Variants in GDAP1 observed in about 807,000 individuals in gnomAD.
GDAP1 encodes ganglioside-induced differentiation-associated protein 1.
GDAP1 carries 34 observed loss-of-function variants against 40.1 expected under a neutral mutation model. That is an observed-to-expected ratio of 0.85 (90% CI 0.64 to 1.13). The LOEUF (loss-of-function observed/expected upper bound fraction) is 1.13, where lower values mean the gene tolerates loss of function less well. GDAP1 is among the 50% of genes most tolerant of loss of function. The pLI, the probability that GDAP1 is intolerant of heterozygous loss-of-function variation, is 0.00. For missense variants in GDAP1, 374 were observed against 433.7 expected (o/e 0.86, Z 1.22); for synonymous variants, 170 against 157.4 (o/e 1.08, Z -0.60).
At chr8:74,435,471 T>C (rs16938906) in intron 2 of GDAP1, among the ~76,000 whole-genome samples, 37,383 of 152,060 alleles carry the variant, frequency 0.25, 5,122 homozygotes, top group African/African-American at 0.35. Context: ...CTTTGCTTCT[T>C]ACTTCATCCC....
In GDAP1 at chr8:74,366,341, T is replaced by C. The variant is rs1439397082; in HGVS notation, c.*1974T>C. On this transcript the variant is annotated 3_prime_UTR_variant, in exon 6 of 6. Coordinates refer to ENST00000220822, the MANE Select transcript of GDAP1 (RefSeq NM_018972.4). ...GAGTGTTCTTTTTGTTCAGCAACTC[T>C]TCTAAAATGTTTCAAGCAAAGATAG... 2.2e-6 allele frequency: 1 copy of C among 454,402 alleles called. No individual in the cohort carries two copies. The highest frequency in any genetic ancestry group is 4.4e-6 in the Non-Finnish European group (1 of 226,768). 28.1% of individuals were successfully genotyped at this position (454,402 alleles called of 1,614,324 possible). A position where few individuals can be genotyped will look rare whatever the true frequency, so the allele number is the denominator to read the frequency against.
intron 2 of GDAP1, among the ~76,000 whole-genome samples, chr8:74,455,577 AC>A (rs1291523322): frequency 6.6e-6 from 1 of 151,980 alleles, no homozygotes; most frequent in East Asian, 1.9e-4. Context: ...TTGTTCATTA[AC>A]ACAATGCATT....
At chr8:74,370,476 A>G (rs1003445271), downstream of GDAP1, among the ~76,000 whole-genome samples, 2 of 152,212 alleles carry the variant, frequency 1.3e-5, no homozygotes, top group Non-Finnish European at 2.9e-5. Flanking sequence ...GACACTAAAT[A>G]AACTCTGATA....
chr8:74,392,113 C>T (rs1470346518), intron 2 of GDAP1, among the ~76,000 whole-genome samples: 2 of 152,116 alleles, frequency 1.3e-5, no homozygotes, highest in East Asian at 3.8e-4. Flanking sequence ...GCCATCATGC[C>T]CAGCCAGTTA....
chr8:74,456,363 A>G (rs762645206), intron 2 of GDAP1, among the ~76,000 whole-genome samples: 1 of 151,946 alleles, frequency 6.6e-6, no homozygotes, highest in Non-Finnish European at 1.5e-5. Context: ...CAATTTCTTT[A>G]CCAGAAACAT....
At chr8:74,461,616 G>A (rs1471172649) in intron 2 of GDAP1, among the ~76,000 whole-genome samples, 1 of 152,156 alleles carries the variant, frequency 6.6e-6, no homozygotes, top group Non-Finnish European at 1.5e-5. Flanking sequence ...GCATCATCCA[G>A]ACTAAATGTT....
chr8:74,432,511 A>G (rs181671463), intron 2 of GDAP1, among the ~76,000 whole-genome samples: 8 of 152,304 alleles, frequency 5.3e-5, no homozygotes, highest in Admixed American at 4.6e-4. Flanking sequence ...GGCGTAGTCC[A>G]AATCTTCTTC....
chr8:74,447,999 T>C (rs1475886274), intron 2 of GDAP1, among the ~76,000 whole-genome samples: 2 of 152,186 alleles, frequency 1.3e-5, no homozygotes, highest in African/African-American at 4.8e-5. Context: ...GGATAAGGGA[T>C]ATTCAACCTG....
intron 2 of GDAP1, among the ~76,000 whole-genome samples, chr8:74,484,974 A>G (rs990540967): frequency 6.6e-6 from 1 of 152,012 alleles, no homozygotes; most frequent in Non-Finnish European, 1.5e-5. Flanking sequence ...CCATTCTCAG[A>G]TTTTCCAAGT....
In GDAP1 at chr8:74,476,767, T is replaced by G. The variant is rs186678977; in HGVS notation, c.166-11911T>G. On this transcript the variant is annotated intron_variant, in intron 2 of 2. Coordinates refer to the GDAP1 transcript ENST00000523640. ...GTCTGATGATTATATGTCTTCATGA[T>G]GGCCTTCTTGTGAAGTATTTTGTGA... Among the ~76,000 whole-genome samples the G allele has an allele frequency of 1.4e-4, 21 of 152,342 alleles. No individual in the cohort carries two copies. In the East Asian group the frequency reaches 4.1e-3, roughly 29 times the overall value.
chr8:74,464,250 A>T (rs1480918264), intron 2 of GDAP1, among the ~76,000 whole-genome samples: 5 of 152,194 alleles, frequency 3.3e-5, no homozygotes, highest in Admixed American at 2.6e-4. Context: ...AGACAGTCCA[A>T]AATACAGTGC....
chr8:74,402,772 T>C (rs1810370266), intron 2 of GDAP1, among the ~76,000 whole-genome samples: 2 of 150,544 alleles, frequency 1.3e-5, no homozygotes, highest in Middle Eastern at 3.4e-3. Flanking sequence ...CAAATGACTT[T>C]TTTGCATATA....
At chr8:74,352,387 A>G (rs1447905087) in intron 2 of GDAP1, among the ~76,000 whole-genome samples, 1 of 146,744 alleles carries the variant, frequency 6.8e-6, no homozygotes, top group Non-Finnish European at 1.5e-5. Flanking sequence ...GTTACTTTTC[A>G]TCTGCCACCA....
chr8:74,474,354 C>T (rs1335633085), intron 2 of GDAP1, among the ~76,000 whole-genome samples: 1 of 152,090 alleles, frequency 6.6e-6, no homozygotes, highest in African/African-American at 2.4e-5. Context: ...TGAGAGAGGG[C>T]ATCTTTGTCT....
intron 2 of GDAP1, among the ~76,000 whole-genome samples, chr8:74,478,920 G>A (rs1279582807): frequency 6.6e-6 from 1 of 152,158 alleles, no homozygotes; most frequent in Non-Finnish European, 1.5e-5. Context: ...CCAGTGCATG[G>A]TAGCCTTGTA....
intron 2 of GDAP1, among the ~76,000 whole-genome samples, chr8:74,385,523 G>A (rs1414473282): frequency 7.9e-5 from 12 of 151,962 alleles, no homozygotes; most frequent in Admixed American, 7.9e-4. Context: ...CTTTTTTGTG[G>A]TTACATAGTA....
At chr8:74,399,620 T>G (rs1810282724) in intron 2 of GDAP1, among the ~76,000 whole-genome samples, 1 of 137,642 alleles carries the variant, frequency 7.3e-6, no homozygotes, top group African/African-American at 3.2e-5. Flanking sequence ...CTTGCTTTTC[T>G]AGTTCTTTTA....
At chr8:74,407,050 T>C (rs1357356606) in intron 2 of GDAP1, among the ~76,000 whole-genome samples, 3 of 149,794 alleles carry the variant, frequency 2.0e-5, no homozygotes, top group African/African-American at 7.7e-5. Flanking sequence ...TTGAAAAAAA[T>C]TCTATAATCA....
chr8:74,426,348 C>A (rs1805947547), intron 2 of GDAP1, among the ~76,000 whole-genome samples: 1 of 152,154 alleles, frequency 6.6e-6, no homozygotes, highest in Non-Finnish European at 1.5e-5. Flanking sequence ...TTCTACTAAT[C>A]AAACAAGAAG....
Sources: allele counts gnomAD v4.1 joint callset (sites outside exome capture counted in the v4.1 genomes callset), GRCh38; gene constraint gnomAD v4.1.1; transcripts MANE v1.5; gene names NCBI Gene and HGNC (gene_info 2026-07-23, HGNC 2026-07-21).